The following GGT5 variants were observed in gnomAD, a reference collection of about 807,000 sequenced individuals.
The protein encoded by GGT5 is gamma-glutamyltransferase 5.
A neutral mutation model predicts 58.1 loss-of-function variants in GGT5; 50 were observed. The ratio of observed to expected loss-of-function variants is 0.86; its 90% CI spans 0.69 to 1.09. The LOEUF (loss-of-function observed/expected upper bound fraction) is 1.09. Ranked by LOEUF, GGT5 falls within the 50% of genes least tolerant of loss-of-function variation. The probability of loss-of-function intolerance (pLI) is 0.00; values close to 1 mark genes in which losing one functional copy is unlikely to be tolerated. For synonymous variants in GGT5, 370 were observed against 346.1 expected (o/e 1.07, Z -0.77); for missense variants, 800 against 789.4 (o/e 1.01, Z -0.16).
chr22:24,222,843 C>T (rs997487589), intron 11 of GGT5, among the ~76,000 whole-genome samples: 4 of 152,024 alleles, frequency 2.6e-5, no homozygotes, highest in Admixed American at 1.3e-4. Context: ...TTTGGGAGGC[C>T]AAGGCGGGCG....
At position 24,244,754 on chromosome 22, in the gene GGT5, G is replaced by T. The variant is rs1321653149; in HGVS notation, c.-29C>A. On this transcript the variant is annotated 5_prime_UTR_variant, in exon 1 of 12. Coordinates refer to ENST00000327365, the MANE Select transcript of GGT5 (RefSeq NM_004121.5). ...TCTGCAGCCCAGGAGGAGAGGGGCG[G>T]CTGGTGGGCAGACGGAGGGACGGAT... 1 of 1,581,602 alleles carries T rather than the reference G, an allele frequency of 6.3e-7. No homozygotes were observed. Among genetic ancestry groups the T allele is most frequent in the East Asian group, 2.3e-5 (1 of 43,718 alleles).
At chr22:24,231,604 T>G (rs968912625) in intron 5 of GGT5, 74 bp from the exon 6 acceptor site, 46 of 1,423,486 alleles carry the variant, frequency 3.2e-5, no homozygotes, top group Non-Finnish European at 4.1e-5. Context: ...TGCTGTCAGG[T>G]CACACAATGG....
rs200519116 is a variant in GGT5, at chr22:24,232,046, C to A, written c.754+5G>T. 1,438 of 1,612,256 alleles carry A rather than the reference C, an allele frequency of 8.9e-4. 3 individuals are homozygous for A. The highest frequency in any genetic ancestry group is 1.0e-3 in the Non-Finnish European group (1,209 of 1,178,724). ...GATGGGGTATGGAACCTCAGGGAGG[C>A]TGACCTTCCTTGGCAATGTCCTCCA... On this transcript the variant is annotated splice_donor_5th_base_variant and intron_variant, in intron 5 of 11. Coordinates refer to ENST00000327365, the MANE Select transcript of GGT5 (RefSeq NM_004121.5).
intron 5 of GGT5, 22 bp from the exon 6 acceptor site, chr22:24,231,552 T>A (rs372561761): frequency 6.3e-7 from 1 of 1,582,262 alleles, no homozygotes; most frequent in Non-Finnish European, 8.6e-7. Flanking sequence ...AGGAGAGGGC[T>A]CCATGAACAG....
At chr22:24,223,754 CTT>C (rs898258352) in intron 11 of GGT5, among the ~76,000 whole-genome samples, 3,046 of 79,236 alleles carry the variant, frequency 0.038, 21 homozygotes, top group Middle Eastern at 0.07. Context: ...TGCTATCAAT[CTT>C]TTTTTTTTTT....
intron 8 of GGT5, among the ~76,000 whole-genome samples, 174 bp downstream of exon 8, chr22:24,225,902 G>GT (rs1240774843): frequency 6.6e-6 from 1 of 152,232 alleles, no homozygotes; most frequent in East Asian, 1.9e-4. Flanking sequence ...CCCAGCAGCA[G>GT]CCTTTCCAGC....
intron 11 of GGT5, among the ~76,000 whole-genome samples, chr22:24,222,506 A>G (rs2047621122): frequency 6.6e-6 from 1 of 151,272 alleles, no homozygotes; most frequent in South Asian, 2.1e-4. Context: ...AGGATCAAAG[A>G]CTCTCCTCGC....
intron 11 of GGT5, among the ~76,000 whole-genome samples, chr22:24,222,981 G>A (rs192861740): frequency 3.4e-5 from 5 of 146,144 alleles, no homozygotes; most frequent in Admixed American, 2.6e-4. Context: ...GGAGGATGAG[G>A]CGGGAGGATG....
At chr22:24,238,899 ATATATAT>A (rs2048232953) in intron 1 of GGT5, among the ~76,000 whole-genome samples, 1 of 11,508 alleles carries the variant, frequency 8.7e-5, no homozygotes, top group African/African-American at 4.7e-4. Context: ...TTTTATATAT[ATATATAT>A]TATATATATT....
Position 24,238,779 on chromosome 22 carries a change from AATATATATTATATATTT to A in GGT5, c.174-4792_174-4776del, listed in dbSNP as rs1569371128. 7.7e-3 allele frequency among the ~76,000 whole-genome samples: 187 copies of A among 24,248 alleles called. 9 individuals are homozygous for A. The highest frequency in any genetic ancestry group is 0.042 in the African/African-American group (174 of 4,114). The allele number at this position is 24,248 out of a possible 152,430, so 15.9% of individuals were successfully genotyped here. A position where few individuals can be genotyped will look rare whatever the true frequency, so the allele number is the denominator to read the frequency against. The stretch of plus-strand genomic sequence containing the variant: ...ATATGGAATATATATATATATATAT[AATATATATTATATATTT>A]ATATATATATAATATATTATATATA... On this transcript the variant is annotated intron_variant, in intron 1 of 11. Coordinates refer to ENST00000327365, the MANE Select transcript of GGT5 (RefSeq NM_004121.5).
chr22:24,227,207 C>T (rs2047794895), intron 6 of GGT5, among the ~76,000 whole-genome samples: 1 of 148,140 alleles, frequency 6.8e-6, no homozygotes, highest in Non-Finnish European at 1.5e-5. Context: ...GCCTTGGCCT[C>T]CCAAAGTGCT....
chr22:24,222,859 C>A (rs971876037), intron 11 of GGT5, among the ~76,000 whole-genome samples: 1 of 151,962 alleles, frequency 6.6e-6, no homozygotes, highest in African/African-American at 2.4e-5. Flanking sequence ...GGGCGGATCA[C>A]AAGGTCAGGA....
chr22:24,233,872 A>C lies in GGT5; in HGVS notation c.304+2T>G, dbSNP rs1198569711. 5 of 1,613,206 alleles carry C rather than the reference A, an allele frequency of 3.1e-6. No individual in the cohort carries two copies. ...CCCATGGCAGTTCACATGTGGGCCC[A>C]CCTGTTGTCACATTGTAGATGGTGA... On this transcript the variant is annotated splice_donor_variant, in intron 2 of 11. Coordinates refer to ENST00000327365, the MANE Select transcript of GGT5 (RefSeq NM_004121.5). LOFTEE classifies it high-confidence loss of function.
chr22:24,220,410 C>G, intron 11 of GGT5: 2 of 549,648 alleles, frequency 3.6e-6, no homozygotes, highest in Admixed American at 4.4e-5. Context: ...CCTTGAGGTG[C>G]AAATCTGAGT....
chr22:24,226,786 A>G lies in GGT5; in HGVS notation c.902-19T>C. The G allele has an allele frequency of 6.2e-7, 1 of 1,613,586 alleles. No homozygotes were observed. Among genetic ancestry groups the G allele is most frequent in the South Asian group, 1.1e-5 (1 of 91,068 alleles). On this transcript the variant is annotated intron_variant, in intron 6 of 11. Coordinates refer to ENST00000327365, the MANE Select transcript of GGT5 (RefSeq NM_004121.5). ...TTGAACCCTGGAGAGAGGTTGGGGC[A>G]CAGGTTGGTTGGGGTCACCCTATGT...
chr22:24,237,839 T>C (rs2048143930), intron 1 of GGT5, among the ~76,000 whole-genome samples: 1 of 152,216 alleles, frequency 6.6e-6, no homozygotes, highest in Non-Finnish European at 1.5e-5. Flanking sequence ...ATCTCCAGAT[T>C]ATGAAATTGG....
At chr22:24,237,213 G>A (rs1403775418) in intron 1 of GGT5, among the ~76,000 whole-genome samples, 11 of 151,884 alleles carry the variant, frequency 7.2e-5, no homozygotes, top group Admixed American at 7.2e-4. Flanking sequence ...GAGCAGTGCT[G>A]TTGACCTACT....
intron 3 of GGT5, 81 bp from the exon 4 acceptor site, chr22:24,233,099 A>G (rs2047997961): frequency 3.8e-6 from 4 of 1,066,370 alleles, no homozygotes; most frequent in Admixed American, 3.2e-5. Context: ...GTGGCCCCCC[A>G]GTTACAGCAG....
intron 1 of GGT5, among the ~76,000 whole-genome samples, chr22:24,237,007 CTT>C (rs35060391): frequency 0.053 from 6,917 of 131,068 alleles, 172 homozygotes; most frequent in South Asian, 0.086. Flanking sequence ...TCTTTTCTCT[CTT>C]TTTTTTTTTT....
Sources: allele counts gnomAD v4.1 joint callset (sites outside exome capture counted in the v4.1 genomes callset), GRCh38; gene constraint gnomAD v4.1.1; transcripts MANE v1.5; gene names NCBI Gene and HGNC (gene_info 2026-07-23, HGNC 2026-07-21).